EIF4G3: variants seen among roughly 807,000 people sequenced by gnomAD.
The protein encoded by EIF4G3 is eIF-4-gamma 3.
In EIF4G3, 34 loss-of-function variants were observed where a neutral mutation model predicts 186.4. The observed-to-expected ratio is 0.18, with a 90% confidence interval of 0.14 to 0.24. The LOEUF is 0.24. EIF4G3 is among the 10% of genes least tolerant of loss of function. The pLI, the probability that EIF4G3 is intolerant of heterozygous loss-of-function variation, is 1.00. For synonymous variants in EIF4G3, 673 were observed against 679.5 expected (o/e 0.99, Z 0.15); for missense variants, 1,536 against 1,948.5 (o/e 0.79, Z 3.99).
intron 2 of EIF4G3, among the ~76,000 whole-genome samples, chr1:21,169,905 G>A (rs1040900785): frequency 5.9e-5 from 9 of 152,028 alleles, no homozygotes; most frequent in Admixed American, 2.0e-4. Context: ...GGCCAGGCAC[G>A]GTGGCTCAAG....
intron 2 of EIF4G3, among the ~76,000 whole-genome samples, chr1:21,150,883 G>C (rs1195373349): frequency 6.6e-6 from 1 of 152,190 alleles, no homozygotes; most frequent in Non-Finnish European, 1.5e-5. Context: ...GGCTGAGGCA[G>C]AAGAATCGCT....
intron 30 of EIF4G3, among the ~76,000 whole-genome samples, chr1:20,839,413 A>G (rs1450602153): frequency 6.6e-6 from 1 of 152,118 alleles, no homozygotes; most frequent in East Asian, 1.9e-4. Context: ...GCCTGGCAAG[A>G]AAACTTTTTA....
intron 33 of EIF4G3, among the ~76,000 whole-genome samples, chr1:20,824,337 A>G (rs1039297240): frequency 3.9e-5 from 6 of 152,236 alleles, no homozygotes; most frequent in Non-Finnish European, 8.8e-5. Context: ...TACTTATTTT[A>G]AAGTCATTTT....
At chr1:21,012,153 C>T (rs764616795) in intron 4 of EIF4G3, among the ~76,000 whole-genome samples, 1 of 152,014 alleles carries the variant, frequency 6.6e-6, no homozygotes, top group Admixed American at 6.5e-5. Flanking sequence ...TTACATTATC[C>T]ATCCTTAAGT....
intron 4 of EIF4G3, among the ~76,000 whole-genome samples, chr1:21,034,292 T>A (rs531349097): frequency 6.6e-6 from 1 of 152,362 alleles, no homozygotes; most frequent in South Asian, 2.1e-4. Context: ...TTGCTCTTAC[T>A]TAATTGTAAC....
rs746069922 is a variant in EIF4G3 at position 20,895,526 on chromosome 1, A to T, written c.2000-25T>A. Reference sequence around the variant, plus strand: ...TCTAGAAAGAGGAATATAGGCAGACACTGTTTGTAGGGCATTATATACAGT... The same window carrying T: ...TCTAGAAAGAGGAATATAGGCAGACTCTGTTTGTAGGGCATTATATACAGT... On this transcript the variant is annotated intron_variant, in intron 16 of 36. Coordinates refer to ENST00000602326, the MANE Select transcript of EIF4G3 (RefSeq NM_001391906.1). 2.5e-6 allele frequency: 4 copies of T among 1,611,892 alleles called. No homozygotes were observed. The South Asian group carries it at 3.3e-5, about 13-fold the overall frequency.
At chr1:20,847,043 T>A (rs1424732670) in intron 29 of EIF4G3, among the ~76,000 whole-genome samples, 1 of 152,186 alleles carries the variant, frequency 6.6e-6, no homozygotes, top group Non-Finnish European at 1.5e-5. Context: ...ACCCCAAAGG[T>A]AATGAGATAA....
chr1:21,167,177 C>T (rs2097869400), intron 2 of EIF4G3, among the ~76,000 whole-genome samples: 2 of 152,126 alleles, frequency 1.3e-5, no homozygotes, highest in South Asian at 4.1e-4. Context: ...AGGTTCAGTC[C>T]TTTCCATTCT....
At chr1:20,920,642 G>A (rs141699532) in intron 14 of EIF4G3, among the ~76,000 whole-genome samples, 1 of 152,100 alleles carries the variant, frequency 6.6e-6, no homozygotes, top group Non-Finnish European at 1.5e-5. Context: ...AAAAATTCCA[G>A]TAACATATAT....
chr1:21,139,252 T>C (rs899059970), intron 2 of EIF4G3, among the ~76,000 whole-genome samples: 1 of 152,172 alleles, frequency 6.6e-6, no homozygotes, highest in African/African-American at 2.4e-5. Context: ...AATATATCCA[T>C]TGAGAAATAA....
intron 9 of EIF4G3, 72 bp downstream of exon 9, chr1:20,980,976 G>T: frequency 1.6e-6 from 2 of 1,255,794 alleles, no homozygotes; most frequent in Non-Finnish European, 2.1e-6. Flanking sequence ...CATCCACCCA[G>T]CTCCCTCTGA....
intron 4 of EIF4G3, among the ~76,000 whole-genome samples, chr1:21,047,480 G>C (rs1228972443): frequency 6.6e-6 from 1 of 152,154 alleles, no homozygotes; most frequent in Non-Finnish European, 1.5e-5. Context: ...CAGGAGCTCA[G>C]AGGAACTTTG....
At chr1:20,844,769 T>A (rs1464596991) in intron 29 of EIF4G3, among the ~76,000 whole-genome samples, 2 of 151,852 alleles carry the variant, frequency 1.3e-5, no homozygotes, top group Admixed American at 6.6e-5. Flanking sequence ...GAGGCAGAGG[T>A]TGCAGTGAGC....
intron 2 of EIF4G3, among the ~76,000 whole-genome samples, chr1:21,146,095 CA>C (rs2097435340): frequency 6.6e-6 from 1 of 151,140 alleles, no homozygotes; most frequent in Non-Finnish European, 1.5e-5. Context: ...ACCCTGTCTC[CA>C]AAACTAAAAA....
At chr1:21,130,216 C>CTTTTTTTTTTTT (rs71014159) in intron 2 of EIF4G3, among the ~76,000 whole-genome samples, 1 of 75,346 alleles carries the variant, frequency 1.3e-5, no homozygotes, top group Non-Finnish European at 2.4e-5. Context: ...GACCCCATCT[C>CTTTTTTTTTTTT]TTTTTTTTTT....
chr1:21,156,342 C>T (rs2097661300), intron 2 of EIF4G3, among the ~76,000 whole-genome samples: 1 of 152,160 alleles, frequency 6.6e-6, no homozygotes, highest in African/African-American at 2.4e-5. Context: ...AGTAACCAGA[C>T]ACTGCATAGA....
intron 2 of EIF4G3, among the ~76,000 whole-genome samples, chr1:21,147,726 C>G (rs2097474072): frequency 6.6e-6 from 1 of 151,922 alleles, no homozygotes; most frequent in African/African-American, 2.4e-5. Flanking sequence ...ACCTAGTAAA[C>G]AAGGGAGAAA....
chr1:21,122,518 T>G (rs913511670), intron 2 of EIF4G3, among the ~76,000 whole-genome samples: 1 of 152,230 alleles, frequency 6.6e-6, no homozygotes. Context: ...GAAAATTAGT[T>G]GCAAATTTAA....
intron 3 of EIF4G3, among the ~76,000 whole-genome samples, chr1:21,054,953 A>C (rs1406968909): frequency 2.0e-5 from 3 of 152,160 alleles, no homozygotes; most frequent in Non-Finnish European, 4.4e-5. Flanking sequence ...TTGTTTTTTA[A>C]ATAACTTTGA....
Sources: allele counts gnomAD v4.1 joint callset (sites outside exome capture counted in the v4.1 genomes callset), GRCh38; gene constraint gnomAD v4.1.1; transcripts MANE v1.5; gene names NCBI Gene and HGNC (gene_info 2026-07-23, HGNC 2026-07-21).